Variants in ANKRD36 observed in about 807,000 individuals in gnomAD.
ANKRD36 encodes the protein ankyrin repeat domain-containing protein 36A.
Under a neutral mutation model 278.1 loss-of-function variants are expected in ANKRD36, and 179 were observed. The observed-to-expected ratio is 0.64, with a 90% CI of 0.57 to 0.73. The LOEUF (loss-of-function observed/expected upper bound fraction) is 0.73. Ranked by LOEUF, ANKRD36 falls within the 30% of genes least tolerant of loss-of-function variation. The pLI is 0.00. For synonymous variants in ANKRD36, 320 were observed against 641.1 expected, an observed-to-expected ratio of 0.50 and a Z score of 7.57; for missense variants, 1,159 against 1,956.7, an observed-to-expected ratio of 0.59 and a Z score of 7.69.
rs540715113 is a variant in ANKRD36 at position 97,149,382 on chromosome 2, A to G, written c.1101+21A>G. 1,929 of 1,500,106 alleles carry G rather than the reference A, an allele frequency of 1.3e-3. 9 individuals are homozygous for G. The highest frequency in any genetic ancestry group is 1.3e-3 in the Non-Finnish European group (1,508 of 1,127,934). 92.9% of individuals were successfully genotyped at this position (1,500,106 alleles called of 1,614,324 possible). ...CTGAGGTAGAGTACTCTCTTGTGAA[A>G]TTAATTTTCTCCCTCTGAATCTCAT... On this transcript the variant is annotated intron_variant, in intron 12 of 75. Transcript: ENST00000420699.
chr2:97,207,425 T>G (rs555705435), intron 52 of ANKRD36, among the ~76,000 whole-genome samples: 47 of 151,102 alleles, frequency 3.1e-4, no homozygotes, highest in East Asian at 8.2e-4. Flanking sequence ...AAATCCTTTT[T>G]ATTTCCTGCA....
chr2:97,228,593 G>T (rs2070770357), intron 67 of ANKRD36, among the ~76,000 whole-genome samples: 1 of 151,864 alleles, frequency 6.6e-6, no homozygotes, highest in Non-Finnish European at 1.5e-5. Context: ...ACCGGCTCCT[G>T]GATTCATTAA....
intron 6 of ANKRD36, among the ~76,000 whole-genome samples, chr2:97,142,384 C>T (rs1366291099): frequency 6.6e-6 from 1 of 151,936 alleles, no homozygotes; most frequent in Non-Finnish European, 1.5e-5. Flanking sequence ...GATACTGACA[C>T]TGTTTCATTT....
At chr2:97,177,887 G>C (rs1006585309) in intron 22 of ANKRD36, among the ~76,000 whole-genome samples, 1 of 151,504 alleles carries the variant, frequency 6.6e-6, no homozygotes, top group African/African-American at 2.4e-5. Flanking sequence ...AGAGTGAACA[G>C]GCAACCTACA....
At chr2:97,129,611 C>T (rs1168624250) in intron 6 of ANKRD36, among the ~76,000 whole-genome samples, 2 of 151,932 alleles carry the variant, frequency 1.3e-5, no homozygotes, top group Admixed American at 6.6e-5. Flanking sequence ...TTAGGTCTAA[C>T]GTTTAAGTCT....
intron 67 of ANKRD36, among the ~76,000 whole-genome samples, chr2:97,227,952 A>G (rs2070460483): frequency 6.6e-6 from 1 of 152,122 alleles, no homozygotes; most frequent in South Asian, 2.1e-4. Context: ...TTATTTGCGT[A>G]TATTGAACCA....
At chr2:97,209,244 C>G in intron 54 of ANKRD36, among the ~76,000 whole-genome samples, 1 of 146,410 alleles carries the variant, frequency 6.8e-6, no homozygotes, top group East Asian at 2.0e-4. Flanking sequence ...ATTTATTGGG[C>G]AAGTTAAAGA....
intron 67 of ANKRD36, among the ~76,000 whole-genome samples, chr2:97,227,158 T>G (rs1307528449): frequency 6.6e-6 from 1 of 152,114 alleles, no homozygotes; most frequent in Admixed American, 6.5e-5. Flanking sequence ...TCCAATTCAG[T>G]GAAGAAAGTC....
chr2:97,124,888 G>A lies in ANKRD36; in HGVS notation c.731+291G>A, dbSNP rs1210102886. Among the ~76,000 whole-genome samples the A allele has an allele frequency of 2.0e-5, 3 of 151,838 alleles. No homozygotes were observed. In the East Asian group the frequency reaches 5.8e-4, roughly 29 times the overall value. ...TCCAATGTTGTCCATTTTATTTCTA[G>A]TATAACCCCTATGCATAGGGTAAAG... On this transcript the variant is annotated intron_variant, in intron 5 of 75. Coordinates refer to ENST00000420699, the MANE Select transcript of ANKRD36 (RefSeq NM_001354587.1).
chr2:97,201,261 T>G (rs867028925), intron 46 of ANKRD36, among the ~76,000 whole-genome samples: 43 of 151,990 alleles, frequency 2.8e-4, no homozygotes, highest in African/African-American at 8.9e-4. Context: ...TATGAATATG[T>G]TGGTTTCCTT....
chr2:97,244,218 A>AT, intron 70 of ANKRD36, among the ~76,000 whole-genome samples, 189 bp downstream of exon 70: 1 of 147,690 alleles, frequency 6.8e-6, no homozygotes, highest in African/African-American at 2.4e-5. Flanking sequence ...TTTAGTTCAA[A>AT]GGCCTTTTGA....
chr2:97,117,910 A>G (rs2035918598), intron 1 of ANKRD36, among the ~76,000 whole-genome samples, 154 bp from the exon 2 acceptor site: 1 of 152,004 alleles, frequency 6.6e-6, no homozygotes, highest in African/African-American at 2.4e-5. Context: ...TCTATTAAAT[A>G]GCCTGCTCTT....
chr2:97,208,418 C>T (rs1196269172), intron 54 of ANKRD36, among the ~76,000 whole-genome samples: 10 of 146,408 alleles, frequency 6.8e-5, no homozygotes, highest in African/African-American at 2.7e-4. Flanking sequence ...TGTGGGAGAA[C>T]TAAGGAGACC....
intron 6 of ANKRD36, among the ~76,000 whole-genome samples, chr2:97,136,156 TG>T (rs2041448941): frequency 6.7e-6 from 1 of 148,648 alleles, no homozygotes; most frequent in South Asian, 2.2e-4. Context: ...GTCATGCCTA[TG>T]TAATGAAGCT....
At chr2:97,164,958 T>C (rs2050236976) in intron 20 of ANKRD36, among the ~76,000 whole-genome samples, 1 of 151,986 alleles carries the variant, frequency 6.6e-6, no homozygotes, top group Non-Finnish European at 1.5e-5. Flanking sequence ...TATCTCTGAT[T>C]AAAAATGAAT....
chr2:97,124,568 A>G lies in ANKRD36; in HGVS notation c.702A>G (p.Gly234=). The G allele has an allele frequency of 6.4e-7, 1 of 1,552,982 alleles. No homozygotes were observed. The highest frequency in any genetic ancestry group is 8.7e-7 in the Non-Finnish European group (1 of 1,147,348). The change falls in exon 5 of 76, where the codon GGA becomes GGG. Residue 234 remains glycine (G), a synonymous_variant. Transcript: ENST00000420699. ...LSRDAFRKIA[G]DYAIEAKNRV... ...GAGATGCGTTTCGAAAGATTGCAGGAGATTATGCCATTGAGGCTAAGAATA... is the reference window on the plus strand; with the variant it reads ...GAGATGCGTTTCGAAAGATTGCAGGGGATTATGCCATTGAGGCTAAGAATA...
At chr2:97,185,653 CG>C in intron 30 of ANKRD36, 143 bp downstream of exon 30, 1 of 1,100,666 alleles carries the variant, frequency 9.1e-7, no homozygotes, top group Admixed American at 2.2e-5. Context: ...AATAAGTTCT[CG>C]GGTGATGCTG....
At position 97,118,567 on chromosome 2, in the gene ANKRD36, T is replaced by C. The variant is rs2036146273; in HGVS notation, c.486+50T>C. ...CAAACTATCTGAAATGCATTTATTT[T>C]AACATTGACACATGTAAGGGTCAAT... On this transcript the variant is annotated intron_variant, in intron 3 of 75. Transcript: ENST00000420699. The C allele has an allele frequency of 2.1e-6, 3 of 1,396,168 alleles. No individual in the cohort carries two copies. The South Asian group carries it at 4.6e-5, about 21-fold the overall frequency. 86.5% of individuals were successfully genotyped at this position (1,396,168 alleles called of 1,614,324 possible).
At chr2:97,171,680 A>G (rs1230760875) in intron 22 of ANKRD36, among the ~76,000 whole-genome samples, 1 of 149,450 alleles carries the variant, frequency 6.7e-6, no homozygotes, top group Non-Finnish European at 1.5e-5. Context: ...GTGCACATGT[A>G]CCCTAAAACT....
Sources: gnomAD v4.1 joint callset for allele counts (sites outside exome capture counted in the v4.1 genomes callset) on GRCh38, gnomAD v4.1.1 for gene constraint, MANE v1.5 for transcripts, NCBI Gene and HGNC (gene_info 2026-07-23, HGNC 2026-07-21) for gene names.